CDC42SE2: variants seen among roughly 807,000 people sequenced by gnomAD.
CDC42SE2 encodes the protein CDC42 small effector 2, also known as CDC42 small effector protein 2.
Under a neutral mutation model 11.5 loss-of-function variants are expected in CDC42SE2, and 3 were observed. The observed-to-expected ratio is 0.26, with a 90% CI of 0.12 to 0.67. CDC42SE2 has a LOEUF of 0.67. CDC42SE2 is among the 30% of genes least tolerant of loss of function. The probability of loss-of-function intolerance (pLI) is 0.80; values close to 1 mark genes in which losing one functional copy is unlikely to be tolerated. For missense variants in CDC42SE2, 82 were observed against 106.8 expected, an observed-to-expected ratio of 0.77 and a Z score of 1.02; for synonymous variants, 33 against 34.8, an observed-to-expected ratio of 0.95 and a Z score of 0.18.
chr5:131,280,824 T>A (rs2149701717), intron 1 of CDC42SE2, among the ~76,000 whole-genome samples: 1 of 152,330 alleles, frequency 6.6e-6, no homozygotes, highest in East Asian at 1.9e-4. Context: ...AAGGCCTTCA[T>A]CTATCTGTAG....
chr5:131,307,563 A>G (rs924368276), intron 1 of CDC42SE2, among the ~76,000 whole-genome samples: 4 of 152,040 alleles, frequency 2.6e-5, no homozygotes, highest in African/African-American at 7.2e-5. Flanking sequence ...ATGATTTATA[A>G]TCCTTTGGGT....
chr5:131,357,387 T>C (rs1478195422), intron 2 of CDC42SE2, among the ~76,000 whole-genome samples: 1 of 152,206 alleles, frequency 6.6e-6, no homozygotes, highest in East Asian at 1.9e-4. Flanking sequence ...ACACTGAGGG[T>C]GTGTGCCTTA....
At chr5:131,284,309 T>A (rs1393815374) in intron 1 of CDC42SE2, among the ~76,000 whole-genome samples, 1 of 152,178 alleles carries the variant, frequency 6.6e-6, no homozygotes, top group African/African-American at 2.4e-5. Flanking sequence ...TTACCTTAAT[T>A]TTTAACAAAA....
At chr5:131,263,165 G>A (rs1449040836), upstream of CDC42SE2, among the ~76,000 whole-genome samples, 1 of 150,970 alleles carries the variant, frequency 6.6e-6, no homozygotes, top group Non-Finnish European at 1.5e-5. Context: ...TATTTTGAAG[G>A]TACAACCAAC....
intron 4 of CDC42SE2, among the ~76,000 whole-genome samples, chr5:131,386,498 T>A (rs1750491495): frequency 6.6e-6 from 1 of 152,234 alleles, no homozygotes; most frequent in African/African-American, 2.4e-5. Flanking sequence ...CAGTAAAAAT[T>A]TGTCACATTT....
chr5:131,241,833 T>C (rs1756542997), upstream of CDC42SE2, among the ~76,000 whole-genome samples: 1 of 148,722 alleles, frequency 6.7e-6, no homozygotes, highest in South Asian at 2.2e-4. Flanking sequence ...TTTTAACCCC[T>C]GTCCACTTCC....
At chr5:131,339,522 T>C (rs778385885) in intron 2 of CDC42SE2, among the ~76,000 whole-genome samples, 1 of 152,072 alleles carries the variant, frequency 6.6e-6, no homozygotes, top group Non-Finnish European at 1.5e-5. Context: ...AAAATTATCA[T>C]TTGGCCAAGC....
At chr5:131,389,503 A>G (rs1466990653) in intron 4 of CDC42SE2, among the ~76,000 whole-genome samples, 1 of 152,232 alleles carries the variant, frequency 6.6e-6, no homozygotes, top group East Asian at 1.9e-4. Flanking sequence ...TTTAAGAGCA[A>G]AACACATTTT....
At chr5:131,371,587 G>C (rs1750013484) in intron 3 of CDC42SE2, among the ~76,000 whole-genome samples, 2 of 152,196 alleles carry the variant, frequency 1.3e-5, no homozygotes, top group African/African-American at 4.8e-5. Context: ...AGATCTTAGA[G>C]ACATCATAGG....
the CDC42SE2 span, among the ~76,000 whole-genome samples, chr5:131,231,939 G>A: frequency 9.9e-5 from 15 of 151,392 alleles, no homozygotes; most frequent in South Asian, 8.4e-4. Context: ...TTACAGGTGC[G>A]CACCATGACC....
chr5:131,343,335 A>G (rs1377253222), intron 2 of CDC42SE2, among the ~76,000 whole-genome samples: 2 of 152,192 alleles, frequency 1.3e-5, no homozygotes, highest in Non-Finnish European at 2.9e-5. Flanking sequence ...TCTATAATAC[A>G]CTGAAAACCT....
chr5:131,366,508 G>A lies in CDC42SE2; in HGVS notation c.54+6961G>A, dbSNP rs545326342. ...AAGAAATTTTGCTTTAATGTTTTTCGGTTGAGAATGGAGTTGATCTTTATT... is the reference window on the plus strand; with the variant it reads ...AAGAAATTTTGCTTTAATGTTTTTCAGTTGAGAATGGAGTTGATCTTTATT... On this transcript the variant is annotated intron_variant, in intron 3 of 4. Coordinates refer to ENST00000505065, the MANE Select transcript of CDC42SE2 (RefSeq NM_001375635.1). Among the ~76,000 whole-genome samples, 8 of 152,142 alleles carry A rather than the reference G, an allele frequency of 5.3e-5. No individual in the cohort carries two copies. The South Asian group carries it at 1.2e-3, about 24-fold the overall frequency.
intron 2 of CDC42SE2, among the ~76,000 whole-genome samples, chr5:131,357,244 T>A (rs962170059): frequency 2.0e-5 from 3 of 152,220 alleles, no homozygotes; most frequent in African/African-American, 7.2e-5. Flanking sequence ...TGTAAACTTT[T>A]CTTTCTTTTG....
chr5:131,357,810 CACTT>C (rs1289876365), intron 2 of CDC42SE2, among the ~76,000 whole-genome samples: 2 of 152,212 alleles, frequency 1.3e-5, no homozygotes, highest in African/African-American at 2.4e-5. Context: ...TCCTTTCACT[CACTT>C]AACCTCCTGT....
rs771254022 is a variant in CDC42SE2, at chr5:131,359,467, G to A, written c.-27G>A. 1 of 1,594,758 alleles carries A rather than the reference G, an allele frequency of 6.3e-7. No homozygotes were observed. The highest frequency in any genetic ancestry group is 1.1e-5 in the South Asian group (1 of 90,672). On this transcript the variant is annotated 5_prime_UTR_variant, in exon 3 of 5. Transcript: ENST00000505065. ...CGAGTTGAGATTTGGAACCTTCATTGGTGCTCATTTACTGTGGACTGTAAG... is the reference window on the plus strand; with the variant it reads ...CGAGTTGAGATTTGGAACCTTCATTAGTGCTCATTTACTGTGGACTGTAAG...
chr5:131,283,305 T>C (rs1444892546), intron 1 of CDC42SE2, among the ~76,000 whole-genome samples: 1 of 152,124 alleles, frequency 6.6e-6, no homozygotes, highest in East Asian at 1.9e-4. Flanking sequence ...CAAAACAAAA[T>C]GAGTAGTCAT....
rs1205753338 is a variant in CDC42SE2 at position 131,314,138 on chromosome 5, ATAT to A, written c.-454-1833_-454-1831del. 5.9e-5 allele frequency among the ~76,000 whole-genome samples: 9 copies of A among 152,268 alleles called. No homozygotes were observed. The East Asian group carries it at 9.6e-4, about 16-fold the overall frequency. On this transcript the variant is annotated intron_variant, in intron 1 of 4. Transcript: ENST00000505065. ...TTGACTTCATTGATCTATGAACATA[ATAT>A]TATTCTCTATTTGTTTTTGCACATA...
chr5:131,313,071 C>T (rs1043703852), intron 1 of CDC42SE2, among the ~76,000 whole-genome samples: 9 of 152,020 alleles, frequency 5.9e-5, no homozygotes, highest in Admixed American at 3.9e-4. Flanking sequence ...AAAGCTCTGC[C>T]TCCCGGGTTC....
At chr5:131,307,312 C>G (rs563847423) in intron 1 of CDC42SE2, among the ~76,000 whole-genome samples, 1 of 146,864 alleles carries the variant, frequency 6.8e-6, no homozygotes, top group Non-Finnish European at 1.5e-5. Context: ...TGAGAATATG[C>G]GGTGTTTGGT....
Sources: allele counts gnomAD v4.1 joint callset (sites outside exome capture counted in the v4.1 genomes callset), GRCh38; gene constraint gnomAD v4.1.1; transcripts MANE v1.5; gene names NCBI Gene and HGNC (gene_info 2026-07-23, HGNC 2026-07-21).